The following MFRP variants were observed in gnomAD, a reference collection of about 807,000 sequenced individuals.
MFRP encodes the protein C1q and TNF related 5.
In MFRP, 74 loss-of-function variants were observed where a neutral mutation model predicts 65.8. The observed-to-expected ratio is 1.12, with a 90% CI of 0.93 to 1.36. The LOEUF (loss-of-function observed/expected upper bound fraction) is 1.36, where lower values mean the gene tolerates loss of function less well. MFRP is among the 40% of genes most tolerant of loss of function. The pLI, the probability that MFRP is intolerant of heterozygous loss-of-function variation, is 0.00. For synonymous variants in MFRP, 336 were observed against 288.3 expected, an observed-to-expected ratio of 1.17 and a Z score of -1.68; for missense variants, 838 against 736.0, an observed-to-expected ratio of 1.14 and a Z score of -1.60.
chr11:119,340,753 G>T lies in MFRP; in HGVS notation c.*795C>A. On this transcript the variant is annotated 3_prime_UTR_variant, in exon 13 of 15. Coordinates refer to ENST00000619721, the MANE Select transcript of MFRP (RefSeq NM_031433.4). ...GGCGCTCGCTACTCCGGACCCTCCA[G>T]TTGGTGGTGCTCCAGCCCCCGCGCT... 1 of 310,332 alleles carries T rather than the reference G, an allele frequency of 3.2e-6. No individual in the cohort carries two copies. Among genetic ancestry groups the T allele is most frequent in the Admixed American group, 5.3e-5 (1 of 18,734 alleles). 19.2% of individuals were successfully genotyped at this position (310,332 alleles called of 1,614,324 possible).
rs1295573375 is a variant in MFRP, at chr11:119,340,342, A to C, written c.*952T>G. On this transcript the variant is annotated 3_prime_UTR_variant, in exon 14 of 15. Coordinates refer to ENST00000619721, the MANE Select transcript of MFRP (RefSeq NM_031433.4). ...GAGGCTGGGGATCTTGTTGTCGTCCAGTGGGGGCGAGCCGGCCGCCAGGCC... is the reference window on the plus strand; with the variant it reads ...GAGGCTGGGGATCTTGTTGTCGTCCCGTGGGGGCGAGCCGGCCGCCAGGCC... 6.5e-7 allele frequency: 1 copy of C among 1,543,660 alleles called. No homozygotes were observed. The highest frequency in any genetic ancestry group is 2.0e-5 in the Admixed American group (1 of 50,748).
In MFRP at chr11:119,343,939, G is replaced by A; in HGVS notation, c.1001C>T (p.Pro334Leu). The A allele has an allele frequency of 1.2e-6, 2 of 1,613,478 alleles. No individual in the cohort carries two copies. The highest frequency in any genetic ancestry group is 8.5e-7 in the Non-Finnish European group (1 of 1,179,976). ...CTGTAGTTCTATGCTGTGTCCGGCAGGCACCGAGATATGCCAGGTGCAGAG... is the reference window on the plus strand; with the variant it reads ...CTGTAGTTCTATGCTGTGTCCGGCAAGCACCGAGATATGCCAGGTGCAGAG... Reference protein sequence around the residue: ...QLLCTWHISVPAGHSIELQFH... With the variant: ...QLLCTWHISVLAGHSIELQFH... The change falls in exon 9 of 15, where the codon CCT becomes CTT. Residue 334 changes from proline (P) to leucine (L), a missense_variant. Physicochemically the swap from Pro to Leu is moderately conservative, Grantham distance 98 (BLOSUM62 -3). Transcript: ENST00000619721.
intron 8 of MFRP, 38 bp downstream of exon 8, chr11:119,344,277 G>A (rs1162607197): frequency 6.3e-7 from 1 of 1,584,624 alleles, no homozygotes; most frequent in African/African-American, 1.3e-5. Flanking sequence ...GTGCTTCCGT[G>A]TGTGCCCCTC....
Position 119,342,689 on chromosome 11 carries a change from C to G in MFRP, c.1294G>C (p.Gly432Arg). ...CACATCCACTGCACACCCTTACACCCTCCTGCCTGGCAGGAGAGCTCACTG... is the reference window on the plus strand; with the variant it reads ...CACATCCACTGCACACCCTTACACCGTCCTGCCTGGCAGGAGAGCTCACTG... ...GPSELSCQAG[G>R]CKGVQWMCDM... The change falls in exon 11 of 15, where the codon GGG becomes CGG. Residue 432 changes from glycine to arginine, a missense_variant. Coordinates refer to ENST00000619721, the MANE Select transcript of MFRP (RefSeq NM_031433.4). The G allele has an allele frequency of 3.7e-6, 6 of 1,613,748 alleles. No homozygotes were observed. The highest frequency in any genetic ancestry group is 5.1e-6 in the Non-Finnish European group (6 of 1,179,972).
chr11:119,340,447 A>T lies in MFRP; in HGVS notation c.*854-7T>A. 6.6e-7 allele frequency: 1 copy of T among 1,518,906 alleles called. No individual in the cohort carries two copies. Among genetic ancestry groups the T allele is most frequent in the Non-Finnish European group, 8.9e-7 (1 of 1,129,918 alleles). 94.1% of individuals were successfully genotyped at this position (1,518,906 alleles called of 1,614,324 possible). On this transcript the variant is annotated splice_polypyrimidine_tract_variant and splice_region_variant and intron_variant, in intron 13 of 14. Transcript: ENST00000619721. ...GCCGGGGTCCTCTCGCAGTCTGTGGACCAGGCAGGACTGGAGTCGGGACCC... is the reference window on the plus strand; with the variant it reads ...GCCGGGGTCCTCTCGCAGTCTGTGGTCCAGGCAGGACTGGAGTCGGGACCC...
At chr11:119,345,079 G>A in intron 5 of MFRP, 75 bp from the exon 6 acceptor site, 1 of 1,545,214 alleles carries the variant, frequency 6.5e-7, no homozygotes, top group South Asian at 1.2e-5. Flanking sequence ...CCTGGGCCTT[G>A]CAGTCCTATT....
Position 119,346,350 on chromosome 11 carries a change from C to T in MFRP, c.79G>A (p.Glu27Lys), listed in dbSNP as rs374815208. ...GGGCAGGGTGGCCCAGACTCAGGCTCGAAGGCAGGATTGCAGAACTCGGTC... is the reference window on the plus strand; with the variant it reads ...GGGCAGGGTGGCCCAGACTCAGGCTTGAAGGCAGGATTGCAGAACTCGGTC... Reference protein sequence around the residue: ...SKTEFCNPAFEPESGPPCPPP... With the variant: ...SKTEFCNPAFKPESGPPCPPP... Residue 27 changes from glutamate (E) to lysine (K), a missense_variant, in exon 2 of 15, where the codon GAG becomes AAG. By Grantham distance (56) the Glu-to-Lys change is moderately conservative. Transcript: ENST00000619721. The T allele has an allele frequency of 6.4e-5, 104 of 1,613,858 alleles. No individual in the cohort carries two copies. The highest frequency in any genetic ancestry group is 2.7e-4 in the African/African-American group (20 of 74,850).
chr11:119,339,603 C>T lies in MFRP; in HGVS notation c.*1356G>A. 6.2e-7 allele frequency: 1 copy of T among 1,613,242 alleles called. No individual in the cohort carries two copies. Among genetic ancestry groups the T allele is most frequent in the Non-Finnish European group, 8.5e-7 (1 of 1,180,042 alleles). ...GCCCGGTAGACGGTGGCATGGACGG[C>T]GAAGTAGTAGACCCCAGGCACCTGG... On this transcript the variant is annotated 3_prime_UTR_variant, in exon 15 of 15. Coordinates refer to ENST00000619721, the MANE Select transcript of MFRP (RefSeq NM_031433.4). This position sits in a 1 kb window ranked among gnomAD's most constrained non-coding sequence, Gnocchi z 5.4.
chr11:119,343,770 G>A (rs760062859), intron 9 of MFRP, 46 bp downstream of exon 9: 5 of 1,611,932 alleles, frequency 3.1e-6, no homozygotes, highest in Middle Eastern at 3.3e-4. Context: ...GGGGGTGGCA[G>A]ACAGTGAGGA....
Position 119,345,537 on chromosome 11 carries a change from T to C in MFRP, c.524A>G (p.Gln175Arg). 6.2e-7 allele frequency: 1 copy of C among 1,614,042 alleles called. No homozygotes were observed. The highest frequency in any genetic ancestry group is 1.1e-5 in the South Asian group (1 of 91,080). The change falls in exon 5 of 15, where the codon CAG becomes CGG. Residue 175 changes from glutamine to arginine, a missense_variant. Gln to Arg is a conservative substitution (Grantham distance 43, BLOSUM62 1). Transcript: ENST00000619721. Reference sequence around the variant, plus strand: ...CTGTATTGCATGGTCTGTGGCCACCTGGATATGCCACACGCAGTGGGTGTT... The same window carrying C: ...CTGTATTGCATGGTCTGTGGCCACCCGGATATGCCACACGCAGTGGGTGTT... The part of the protein sequence containing the change: ...PPNTHCVWHI[Q>R]VATDHAIQLK...
In MFRP at chr11:119,342,856, TGCC is replaced by T. The variant is rs1412119161; in HGVS notation, c.1255+14_1255+16del. On this transcript the variant is annotated intron_variant, in intron 10 of 14. Coordinates refer to ENST00000619721, the MANE Select transcript of MFRP (RefSeq NM_031433.4). ...GGTGCCTCTACTGCCCCCACCCACT[TGCC>T]CAGGGGCACCTACTCTCCGTGGCAT... 6.2e-7 allele frequency: 1 copy of T among 1,613,076 alleles called. No homozygotes were observed. The highest frequency in any genetic ancestry group is 1.7e-5 in the Admixed American group (1 of 60,028).
intron 10 of MFRP, 62 bp from the exon 11 acceptor site, chr11:119,342,789 G>C (rs564824660): frequency 6.2e-7 from 1 of 1,613,112 alleles, no homozygotes; most frequent in Non-Finnish European, 8.5e-7. Flanking sequence ...TACCCCCAGA[G>C]TGTCCTGACC....
rs138458503 is a variant in MFRP at position 119,345,878 on chromosome 11, C to T, written c.322G>A (p.Gly108Arg). The T allele has an allele frequency of 5.0e-6, 8 of 1,613,426 alleles. No individual in the cohort carries two copies. Among genetic ancestry groups the T allele is most frequent in the African/African-American group, 1.3e-5 (1 of 74,866 alleles). ...GTGGTGGTGGTCGTGGTAAGGCCTC[C>T]GGCAGGCAGTGGGCTATGGGACGCC... ...SGASHSPLPA[G>R]GLTTTTTTPT... Residue 108 changes from glycine to arginine, a missense_variant, in exon 4 of 15, where the codon GGA (glycine) becomes AGA (arginine). Coordinates refer to ENST00000619721, the MANE Select transcript of MFRP (RefSeq NM_031433.4).
chr11:119,346,489 G>C lies in MFRP; in HGVS notation c.25C>G (p.Leu9Val). MKDFSDVI[L>V]CMEATESSKT... The stretch of plus-strand genomic sequence containing the variant: ...CTCGATTCTGTTGCCTCCATGCAGA[G>C]GATGACATCTGAGAAGTCCTTCATG... The change falls in exon 1 of 15, where the codon CTC becomes GTC. Residue 9 changes from leucine to valine, a missense_variant. By Grantham distance (32) the Leu-to-Val change is conservative. Transcript: ENST00000619721. 1 of 1,614,124 alleles carries C rather than the reference G, an allele frequency of 6.2e-7. No homozygotes were observed. Among genetic ancestry groups the C allele is most frequent in the South Asian group, 1.1e-5 (1 of 91,090 alleles).
intron 13 of MFRP, 92 bp downstream of exon 13, chr11:119,340,603 G>A: frequency 1.7e-6 from 1 of 576,262 alleles, no homozygotes; most frequent in East Asian, 3.3e-5. Flanking sequence ...CGAGAGGGTG[G>A]GAGCGGCCAG....
rs1471039310 is a variant in MFRP at position 119,344,971 on chromosome 11, G to T, written c.675C>A (p.Asn225Lys). The T allele has an allele frequency of 3.7e-6, 6 of 1,608,188 alleles. No individual in the cohort carries two copies. The highest frequency in any genetic ancestry group is 2.2e-5 in the East Asian group (1 of 44,772). The change falls in exon 6 of 15, where the codon AAC becomes AAA. Residue 225 changes from asparagine to lysine, a missense_variant. By Grantham distance (94) the Asn-to-Lys change is moderately conservative. Coordinates refer to ENST00000619721, the MANE Select transcript of MFRP (RefSeq NM_031433.4). ...CCACCAGGAGGTGGCTGGCATTGGT[G>T]TTGAGCGTGGGGGGAGGCACCCTTC... Reference protein sequence around the residue: ...VCGRVPPPTLNTNASHLLVVF... With the variant: ...VCGRVPPPTLKTNASHLLVVF...
rs1385109206 is a variant in MFRP at position 119,341,600 on chromosome 11, T to C, written c.1688A>G (p.Asn563Ser). The C allele has an allele frequency of 6.2e-7, 1 of 1,612,804 alleles. No individual in the cohort carries two copies. Among genetic ancestry groups the C allele is most frequent in the South Asian group, 1.1e-5 (1 of 91,088 alleles). ...AGCTGCCTCTGGCAGCCTGTTGCAG[T>C]TGAAGGGCCAGGGGGTGCCCAGTAG... ...LALLGTPWPF[N>S]CNRLPEAADL... Residue 563 changes from asparagine to serine, a missense_variant, in exon 13 of 15, where the codon AAC becomes AGC. Physicochemically the swap from Asn to Ser is conservative, Grantham distance 46 (BLOSUM62 1). Transcript: ENST00000619721.
chr11:119,343,361 AAG>A (rs1204574388), intron 9 of MFRP, among the ~76,000 whole-genome samples: 1 of 152,152 alleles, frequency 6.6e-6, no homozygotes, highest in Admixed American at 6.5e-5. Flanking sequence ...AAAATTAAAA[AAG>A]TAAATTATCT....
Position 119,344,474 on chromosome 11 carries a change from G to C in MFRP, c.899-83C>G, listed in dbSNP as rs1053606129. ...GGCTGGCGGTGATTACAGAGCGAGA[G>C]TTTTGGCCATGCCCATGGGAAACAA... On this transcript the variant is annotated intron_variant, in intron 7 of 14. Transcript: ENST00000619721. The C allele has an allele frequency of 1.7e-5, 26 of 1,556,556 alleles. No homozygotes were observed. In the African/African-American group the frequency reaches 3.5e-4, roughly 21 times the overall value.
Sources: allele counts gnomAD v4.1 joint callset (sites outside exome capture counted in the v4.1 genomes callset), GRCh38; gene constraint gnomAD v4.1.1; non-coding constraint Gnocchi (gnomAD v3.1); transcripts MANE v1.5; gene names NCBI Gene and HGNC (gene_info 2026-07-23, HGNC 2026-07-21).